The following ZFHX4 variants were observed in gnomAD, a reference collection of about 807,000 sequenced individuals.
The protein encoded by ZFHX4 is zinc finger homeobox protein 4.
ZFHX4 carries 56 observed loss-of-function variants against 267.6 expected under a neutral mutation model. The ratio of observed to expected loss-of-function variants is 0.21; its 90% CI spans 0.17 to 0.26. ZFHX4 has a LOEUF of 0.26. Among genes scored for constraint, ZFHX4 ranks in the 10% least tolerant of loss-of-function variants. The pLI, the probability that ZFHX4 is intolerant of heterozygous loss-of-function variation, is 1.00. For missense variants in ZFHX4, 4,332 were observed against 4,420.0 expected (o/e 0.98, Z 0.56); for synonymous variants, 1,778 against 1,665.6 (o/e 1.07, Z -1.64).
At chr8:76,718,118 A>G (rs1808627012) in intron 3 of ZFHX4, among the ~76,000 whole-genome samples, 1 of 152,218 alleles carries the variant, frequency 6.6e-6, no homozygotes, top group African/African-American at 2.4e-5. Flanking sequence ...ACATACATTC[A>G]GCACTTACTA....
chr8:76,704,396 C>CCCG lies in ZFHX4; in HGVS notation c.311_313dup (p.Arg104dup). ...TACATGGAACACCACTGCCCTAATG[C>CCCG]CCGCCTTCCTGTCCTGAAGGATGAC... On this transcript the variant is annotated inframe_insertion, in exon 2 of 11. Coordinates refer to ENST00000651372, the MANE Select transcript of ZFHX4 (RefSeq NM_024721.5). 8 of 1,613,996 alleles carry CCCG rather than the reference C, an allele frequency of 5.0e-6. No homozygotes were observed. Among genetic ancestry groups the CCCG allele is most frequent in the Non-Finnish European group, 6.8e-6 (8 of 1,179,890 alleles).
intron 10 of ZFHX4, among the ~76,000 whole-genome samples, chr8:76,861,509 A>C (rs986062569): frequency 2.6e-5 from 4 of 152,114 alleles, no homozygotes. Flanking sequence ...AGTTATATCA[A>C]AGTAGGTCAG....
intron 4 of ZFHX4, among the ~76,000 whole-genome samples, chr8:76,812,645 T>G (rs1356038173): frequency 2.0e-5 from 3 of 152,178 alleles, no homozygotes; most frequent in Non-Finnish European, 4.4e-5. Context: ...AATACTTATT[T>G]CATATGTACC....
intron 3 of ZFHX4, among the ~76,000 whole-genome samples, chr8:76,767,264 C>T (rs1325893661): frequency 6.6e-6 from 1 of 152,116 alleles, no homozygotes; most frequent in African/African-American, 2.4e-5. Context: ...CTTTAAACCA[C>T]CTTGCATTTA....
At chr8:76,713,551 C>T (rs1470353095) in intron 3 of ZFHX4, among the ~76,000 whole-genome samples, 1 of 152,178 alleles carries the variant, frequency 6.6e-6, no homozygotes, top group Non-Finnish European at 1.5e-5. Flanking sequence ...GGAAAATACT[C>T]TTATGCTCTT....
At chr8:76,826,584 A>G (rs1186318703) in intron 4 of ZFHX4, among the ~76,000 whole-genome samples, 1 of 152,228 alleles carries the variant, frequency 6.6e-6, no homozygotes, top group Non-Finnish European at 1.5e-5. Context: ...ACAACATTGG[A>G]TGAACCCTAT....
chr8:76,771,823 G>A lies in ZFHX4; in HGVS notation c.3094-6385G>A, dbSNP rs151121425. Among the ~76,000 whole-genome samples the A allele has an allele frequency of 8.5e-5, 13 of 152,196 alleles. 1 individual carries two copies. Among genetic ancestry groups the A allele is most frequent in the Middle Eastern group, 3.4e-3 (1 of 294 alleles). ...AAAATGTAGAGATGTTGATAGATTGGGAAATAATCAGAAGGCATATTTAGG... is the reference window on the plus strand; with the variant it reads ...AAAATGTAGAGATGTTGATAGATTGAGAAATAATCAGAAGGCATATTTAGG... On this transcript the variant is annotated intron_variant, in intron 3 of 10. Coordinates refer to ENST00000651372, the MANE Select transcript of ZFHX4 (RefSeq NM_024721.5).
chr8:76,839,419 TA>T (rs1257043198), intron 5 of ZFHX4, among the ~76,000 whole-genome samples: 6 of 152,184 alleles, frequency 3.9e-5, no homozygotes, highest in African/African-American at 1.4e-4. Flanking sequence ...TAAAAATGAA[TA>T]TGTATTATCA....
chr8:76,731,880 T>TATC (rs1809022502), intron 3 of ZFHX4, among the ~76,000 whole-genome samples: 2 of 149,516 alleles, frequency 1.3e-5, no homozygotes, highest in African/African-American at 4.9e-5. Context: ...TTATTATTAT[T>TATC]ATTATTATTA....
At chr8:76,836,952 T>C (rs1812107781) in intron 5 of ZFHX4, among the ~76,000 whole-genome samples, 1 of 152,052 alleles carries the variant, frequency 6.6e-6, no homozygotes, top group Non-Finnish European at 1.5e-5. Flanking sequence ...AAGAGAAGAC[T>C]AAGGGATGAC....
chr8:76,767,075 A>G (rs892077373), intron 3 of ZFHX4, among the ~76,000 whole-genome samples: 11 of 144,062 alleles, frequency 7.6e-5, no homozygotes, highest in African/African-American at 2.4e-4. Context: ...GTGTGTGTGT[A>G]TGTGTGCATG....
At chr8:76,837,726 T>C (rs980345192) in intron 5 of ZFHX4, among the ~76,000 whole-genome samples, 4 of 152,112 alleles carry the variant, frequency 2.6e-5, no homozygotes, top group African/African-American at 9.7e-5. Context: ...TTCACTATTT[T>C]CAAAAAATGT....
chr8:76,817,221 A>G (rs1398505438), intron 4 of ZFHX4, among the ~76,000 whole-genome samples: 4 of 152,214 alleles, frequency 2.6e-5, no homozygotes, highest in Non-Finnish European at 5.9e-5. Context: ...TAAAAGAAAT[A>G]AAATCCCTTT....
chr8:76,729,755 C>A (rs1052251512), intron 3 of ZFHX4, among the ~76,000 whole-genome samples: 1 of 152,084 alleles, frequency 6.6e-6, no homozygotes, highest in Non-Finnish European at 1.5e-5. Flanking sequence ...TAGATGTGAA[C>A]CTTTCACCCC....
chr8:76,705,252 C>T lies in ZFHX4; in HGVS notation c.1164C>T (p.Thr388=), dbSNP rs1247185562. 1 of 1,613,988 alleles carries T rather than the reference C, an allele frequency of 6.2e-7. No individual in the cohort carries two copies. Among genetic ancestry groups the T allele is most frequent in the African/African-American group, 1.3e-5 (1 of 75,042 alleles). The change falls in exon 2 of 11, where the codon ACC becomes ACT. Residue 388 remains threonine, a synonymous_variant. Coordinates refer to ENST00000651372, the MANE Select transcript of ZFHX4 (RefSeq NM_024721.5). ...GFAFLKGSAS[T]SSSAEQPLGI... ...CCTTCTTAAAAGGAAGCGCGAGCACCTCGAGCTCAGCAGAGCAGCCGCTGG... is the reference window on the plus strand; with the variant it reads ...CCTTCTTAAAAGGAAGCGCGAGCACTTCGAGCTCAGCAGAGCAGCCGCTGG...
intron 4 of ZFHX4, among the ~76,000 whole-genome samples, chr8:76,813,708 T>G (rs1443044104): frequency 6.6e-6 from 1 of 151,812 alleles, no homozygotes; most frequent in Non-Finnish European, 1.5e-5. Context: ...GATGTTCTCC[T>G]GGTAATCTAC....
chr8:76,711,552 A>G (rs1808424832), intron 3 of ZFHX4, among the ~76,000 whole-genome samples: 1 of 152,214 alleles, frequency 6.6e-6, no homozygotes, highest in African/African-American at 2.4e-5. Context: ...TTCTAATTTC[A>G]TGTGTTCCTA....
rs377750059 is a variant in ZFHX4 at position 76,808,910 on chromosome 8, GTCTC to G, written c.3326-24407_3326-24404del. Among the ~76,000 whole-genome samples the G allele has an allele frequency of 3.6e-3, 525 of 144,364 alleles. 1 individual carries two copies. Among genetic ancestry groups the G allele is most frequent in the African/African-American group, 7.0e-3 (280 of 40,118 alleles). 94.7% of individuals were successfully genotyped at this position (144,364 alleles called of 152,430 possible). ...TGTCTCTGTCTCTCTCTATCTCTCT[GTCTC>G]TCTCTCTCTCTCTCTCTCTCACACA... On this transcript the variant is annotated intron_variant, in intron 4 of 10. Coordinates refer to ENST00000651372, the MANE Select transcript of ZFHX4 (RefSeq NM_024721.5).
In ZFHX4 at chr8:76,705,716, G is replaced by A. The variant is rs771157916; in HGVS notation, c.1628G>A (p.Arg543Lys). ...TEKKKQTAAV[R>K]ASGSVASNYG... Reference sequence around the variant, plus strand: ...AAGAAAAAACAGACTGCTGCTGTTAGGGCCAGTGGCAGTGTTGCTAGTAAC... The same window carrying A: ...AAGAAAAAACAGACTGCTGCTGTTAAGGCCAGTGGCAGTGTTGCTAGTAAC... The change falls in exon 2 of 11, where the codon AGG (arginine) becomes AAG (lysine). Residue 543 changes from arginine to lysine, a missense_variant. Around this residue, in one of 7 missense-constraint regions of ZFHX4, gnomAD observed 1,195 missense variants for 1,173.6 expected, o/e 1.02. Coordinates refer to ENST00000651372, the MANE Select transcript of ZFHX4 (RefSeq NM_024721.5). The A allele has an allele frequency of 1.2e-5, 19 of 1,613,896 alleles. No individual in the cohort carries two copies. In the South Asian group the frequency reaches 2.0e-4, roughly 17 times the overall value.
Sources: allele counts gnomAD v4.1 joint callset (sites outside exome capture counted in the v4.1 genomes callset), GRCh38; gene constraint gnomAD v4.1.1; regional missense constraint gnomAD v4.1.1; transcripts MANE v1.5; gene names NCBI Gene and HGNC (gene_info 2026-07-23, HGNC 2026-07-21).